INPP5B: variants seen among roughly 807,000 people sequenced by gnomAD.
The protein encoded by INPP5B is inositol polyphosphate-5-phosphatase B.
INPP5B carries 90 observed loss-of-function variants against 118.5 expected under a neutral mutation model. The observed-to-expected ratio is 0.76, with a 90% CI of 0.64 to 0.90. The LOEUF is 0.90. INPP5B is among the 40% of genes least tolerant of loss of function. The probability of loss-of-function intolerance (pLI) is 0.00; values close to 1 mark genes in which losing one functional copy is unlikely to be tolerated. For missense variants in INPP5B, 984 were observed against 1,125.6 expected (o/e 0.87, Z 1.80); for synonymous variants, 385 against 418.9 (o/e 0.92, Z 0.99).
chr1:37,893,085 C>CTTTTTTTTTTTTTTTTTTTTTTTTTTTTT (rs71053999), intron 7 of INPP5B, among the ~76,000 whole-genome samples: 52 of 81,394 alleles, frequency 6.4e-4, no homozygotes, highest in Non-Finnish European at 8.3e-4. Flanking sequence ...TTTTCTTTTT[C>CTTTTTTTTTTTTTTTTTTTTTTTTTTTTT]TTTTTTTTTT....
At chr1:37,937,972 CAAAAAAA>C (rs916186225) in intron 6 of INPP5B, among the ~76,000 whole-genome samples, 2 of 57,656 alleles carry the variant, frequency 3.5e-5, no homozygotes, top group African/African-American at 1.5e-4. Context: ...AAGTTGGTCT[CAAAAAAA>C]AAAAAAAAAA....
At chr1:37,935,788 C>T (rs538507644) in intron 6 of INPP5B, among the ~76,000 whole-genome samples, 46 of 152,192 alleles carry the variant, frequency 3.0e-4, no homozygotes, top group Admixed American at 1.7e-3. Flanking sequence ...TAATGGCGGC[C>T]GGGCGCGGTG....
intron 7 of INPP5B, among the ~76,000 whole-genome samples, chr1:37,917,562 A>C (rs1163229247): frequency 6.6e-6 from 1 of 151,464 alleles, no homozygotes; most frequent in African/African-American, 2.4e-5. Context: ...GACCTCAAGC[A>C]ATCAGCCTGC....
chr1:37,905,156 T>C (rs549332318), intron 7 of INPP5B, among the ~76,000 whole-genome samples: 9 of 152,340 alleles, frequency 5.9e-5, no homozygotes, highest in African/African-American at 1.9e-4. Context: ...ATCCCAGCAC[T>C]GTGGGAGGCC....
At chr1:37,901,134 A>T (rs554478668) in intron 7 of INPP5B, among the ~76,000 whole-genome samples, 1 of 152,156 alleles carries the variant, frequency 6.6e-6, no homozygotes, top group South Asian at 2.1e-4. Flanking sequence ...ATATTTATTC[A>T]TTATTATTGG....
intron 7 of INPP5B, among the ~76,000 whole-genome samples, chr1:37,906,550 T>C (rs1644506846): frequency 6.6e-6 from 1 of 152,100 alleles, no homozygotes; most frequent in East Asian, 1.9e-4. Context: ...AGGAAAAAAA[T>C]ATATGTTTCA....
At chr1:37,906,882 G>GA (rs77721092) in intron 7 of INPP5B, among the ~76,000 whole-genome samples, 1,534 of 146,764 alleles carry the variant, frequency 0.01, 27 homozygotes, top group African/African-American at 0.036. Flanking sequence ...AAGAAAGAAA[G>GA]AAAAAAAAAA....
At chr1:37,912,313 C>T (rs562732077) in intron 7 of INPP5B, among the ~76,000 whole-genome samples, 139 of 152,266 alleles carry the variant, frequency 9.1e-4, no homozygotes, top group African/African-American at 3.2e-3. Context: ...AAGCTGTGCC[C>T]GTCAAACAGC....
chr1:37,933,707 T>A (rs1645579492), intron 6 of INPP5B, among the ~76,000 whole-genome samples: 1 of 147,426 alleles, frequency 6.8e-6, no homozygotes. Flanking sequence ...GTGACAGAGC[T>A]AGACTCTGTC....
chr1:37,886,161 A>G (rs914621898), intron 12 of INPP5B, among the ~76,000 whole-genome samples: 2 of 152,038 alleles, frequency 1.3e-5, no homozygotes, highest in African/African-American at 4.8e-5. Context: ...TGGGAGACAG[A>G]GTGAGACTCC....
intron 7 of INPP5B, among the ~76,000 whole-genome samples, chr1:37,895,602 C>A (rs1043834345): frequency 2.6e-5 from 4 of 151,972 alleles, no homozygotes; most frequent in Non-Finnish European, 5.9e-5. Flanking sequence ...CGGCTCACTG[C>A]AACCTCCCTG....
At chr1:37,867,314 C>T (rs1642106912) in intron 20 of INPP5B, among the ~76,000 whole-genome samples, 1 of 152,122 alleles carries the variant, frequency 6.6e-6, no homozygotes, top group Non-Finnish European at 1.5e-5. Context: ...TGACTTAATA[C>T]CATATAACTG....
chr1:37,930,011 G>A (rs951472920), intron 7 of INPP5B: 1 of 152,222 alleles, frequency 6.6e-6, no homozygotes, highest in Non-Finnish European at 1.5e-5. Flanking sequence ...TGGGATTACA[G>A]GCATGAGTCA....
intron 3 of INPP5B, among the ~76,000 whole-genome samples, chr1:37,944,376 C>G (rs969220181): frequency 5.3e-5 from 8 of 152,094 alleles, no homozygotes; most frequent in Non-Finnish European, 1.0e-4. Context: ...GTGGGTGTTA[C>G]TAGACAACAT....
rs771787497 is a variant in INPP5B at position 37,866,496 on chromosome 1, G to A, written c.2349C>T (p.Ile783=). ...QPGLRSEFEH[I]RDCLDTGMID... ...TCATTCCAGTATCCAAGCAGTCCCT[G>A]ATATGTTCAAATTCTGACCTCAGGC... The change falls in exon 21 of 24, where the codon ATC becomes ATT. Residue 783 remains isoleucine (I), a synonymous_variant. Coordinates refer to ENST00000373024, the MANE Select transcript of INPP5B (RefSeq NM_005540.3). The A allele has an allele frequency of 1.2e-6, 2 of 1,609,504 alleles. No individual in the cohort carries two copies. Among genetic ancestry groups the A allele is most frequent in the Middle Eastern group, 1.7e-4 (1 of 6,054 alleles).
chr1:37,898,213 G>A (rs1644194503), intron 7 of INPP5B, among the ~76,000 whole-genome samples: 1 of 152,184 alleles, frequency 6.6e-6, no homozygotes, highest in Non-Finnish European at 1.5e-5. Context: ...ACAACATTCT[G>A]GATAAGACAA....
At chr1:37,916,901 T>C (rs1252788483) in intron 7 of INPP5B, among the ~76,000 whole-genome samples, 2 of 152,032 alleles carry the variant, frequency 1.3e-5, no homozygotes, top group Non-Finnish European at 2.9e-5. Context: ...TATTTGTAGG[T>C]ACTCCTCAAG....
At chr1:37,932,272 G>C (rs905329642) in intron 6 of INPP5B, among the ~76,000 whole-genome samples, 3 of 151,968 alleles carry the variant, frequency 2.0e-5, no homozygotes, top group Admixed American at 2.0e-4. Context: ...TATGTGCCAA[G>C]GTCTGTGCCT....
chr1:37,896,432 GC>G (rs1644071485), intron 7 of INPP5B, among the ~76,000 whole-genome samples: 1 of 151,030 alleles, frequency 6.6e-6, no homozygotes, highest in Non-Finnish European at 1.5e-5. Flanking sequence ...GGGGGGGTCA[GC>G]CCCCCGCCCG....
Sources: gnomAD v4.1 joint callset for allele counts (sites outside exome capture counted in the v4.1 genomes callset) on GRCh38, gnomAD v4.1.1 for gene constraint, MANE v1.5 for transcripts, NCBI Gene and HGNC (gene_info 2026-07-23, HGNC 2026-07-21) for gene names.